SLX4: variants seen among roughly 807,000 people sequenced by gnomAD.
SLX4 encodes the protein structure-specific endonuclease subunit SLX4.
A neutral mutation model predicts 146.2 loss-of-function variants in SLX4; 112 were observed. The ratio of observed to expected loss-of-function variants is 0.77; its 90% CI spans 0.66 to 0.90. The LOEUF (loss-of-function observed/expected upper bound fraction) is 0.90, where lower values mean the gene tolerates loss of function less well. SLX4 is among the 40% of genes least tolerant of loss of function. SLX4 has a pLI of 0.00. For synonymous variants in SLX4, 1,061 were observed against 997.7 expected (o/e 1.06, Z -1.20); for missense variants, 2,563 against 2,392.7 (o/e 1.07, Z -1.49).
At position 3,590,742 on chromosome 16, in the gene SLX4, G is replaced by C. The variant is rs770456496; in HGVS notation, c.2896C>G (p.Gln966Glu). The change falls in exon 12 of 15, where the codon CAG becomes GAG. Residue 966 changes from glutamine (Q) to glutamate (E), a missense_variant. By Grantham distance (29) the Gln-to-Glu change is conservative. Coordinates refer to ENST00000294008, the MANE Select transcript of SLX4 (RefSeq NM_032444.4). This position sits in a 1 kb window ranked among gnomAD's most constrained non-coding sequence, Gnocchi z 4.8. ...SSCSSPSRDC[Q>E]AERKEGSLPH... ...AGAGAGCCTTCTTTTCTCTCTGCCT[G>C]GCAGTCCCTGGAAGGGCTGGAGCAG... 2 of 1,614,100 alleles carry C rather than the reference G, an allele frequency of 1.2e-6. No homozygotes were observed. Among genetic ancestry groups the C allele is most frequent in the East Asian group, 2.2e-5 (1 of 44,880 alleles).
intron 1 of SLX4, among the ~76,000 whole-genome samples, chr16:3,610,611 A>T (rs188816780): frequency 2.6e-5 from 4 of 152,346 alleles, no homozygotes; most frequent in African/African-American, 4.8e-5. Flanking sequence ...TCACAGTGGC[A>T]GGGCTGGGAT....
chr16:3,608,458 C>T lies in SLX4; in HGVS notation c.507G>A (p.Ser169=), dbSNP rs768145927. Residue 169 remains serine (S), a synonymous_variant, in exon 2 of 15, where the codon TCG becomes TCA. Coordinates refer to ENST00000294008, the MANE Select transcript of SLX4 (RefSeq NM_032444.4). ...NTQTGNQQEP[S]PNLSREKTRE... ...TGGTTTTCTCTCTGGAAAGGTTTGG[C>T]GATGGTTCTTGCTGGTTACCCGTCT... The T allele has an allele frequency of 6.2e-6, 10 of 1,614,100 alleles. No homozygotes were observed. Among genetic ancestry groups the T allele is most frequent in the South Asian group, 1.1e-5 (1 of 91,070 alleles).
At chr16:3,583,056 GAT>G in intron 14 of SLX4, 39 bp downstream of exon 14, 1 of 1,612,568 alleles carries the variant, frequency 6.2e-7, no homozygotes, top group Non-Finnish European at 8.5e-7. Flanking sequence ...CGGGCCAGAG[GAT>G]ACATGAGGCC....
At chr16:3,610,540 G>C (rs2040846339) in intron 1 of SLX4, among the ~76,000 whole-genome samples, 1 of 152,092 alleles carries the variant, frequency 6.6e-6, no homozygotes, top group Non-Finnish European at 1.5e-5. Flanking sequence ...CTGTCTTTAC[G>C]GCAAGGAAAC....
intron 12 of SLX4, among the ~76,000 whole-genome samples, chr16:3,588,226 T>A (rs1243230982): frequency 6.6e-6 from 1 of 152,210 alleles, no homozygotes; most frequent in Non-Finnish European, 1.5e-5. Context: ...CCATAAGCAG[T>A]CACTCCCCAT....
rs760497928 is a variant in SLX4, at chr16:3,589,236, G to C, written c.4402C>G (p.Arg1468Gly). The change falls in exon 12 of 15, where the codon CGC becomes GGC. Residue 1468 changes from arginine (R) to glycine (G), a missense_variant. Coordinates refer to ENST00000294008, the MANE Select transcript of SLX4 (RefSeq NM_032444.4). This position sits in a 1 kb window ranked among gnomAD's most constrained non-coding sequence, Gnocchi z 6.2. ...MNEAADSRDC[R>G]SPGLLDTTPI... ...GTGGTGTCCAGGAGTCCCGGGGAGC[G>C]ACAGTCACGGCTGTCGGCGGCCTCG... 4 of 1,609,276 alleles carry C rather than the reference G, an allele frequency of 2.5e-6. No homozygotes were observed. Among genetic ancestry groups the C allele is most frequent in the Middle Eastern group, 1.7e-4 (1 of 6,028 alleles).
In SLX4 at chr16:3,583,470, TC is replaced by T. The variant is rs1303085161; in HGVS notation, c.4779del (p.Lys1594SerfsTer2). On this transcript the variant is annotated frameshift_variant, in exon 14 of 15. Coordinates refer to ENST00000294008, the MANE Select transcript of SLX4 (RefSeq NM_032444.4). LOFTEE classifies it high-confidence loss of function. The part of the protein sequence containing the change: ...VRPLPKRQMV[L>X]KLKEIFQYTH... ...GTGTACTGGAATATCTCCTTCAGCT[TC>T]AGAACCATCTGGCGTTTAGGCAGAG... 1 of 1,614,042 alleles carries T rather than the reference TC, an allele frequency of 6.2e-7. No individual in the cohort carries two copies. The highest frequency in any genetic ancestry group is 8.5e-7 in the Non-Finnish European group (1 of 1,180,056).
In SLX4 at chr16:3,590,771, G is replaced by T; in HGVS notation, c.2867C>A (p.Ser956Tyr). 6.2e-7 allele frequency: 1 copy of T among 1,614,062 alleles called. No homozygotes were observed. Among genetic ancestry groups the T allele is most frequent in the Non-Finnish European group, 8.5e-7 (1 of 1,180,034 alleles). Residue 956 changes from serine (S) to tyrosine (Y), a missense_variant, in exon 12 of 15, where the codon TCC becomes TAC. Ser to Tyr is a moderately radical substitution (Grantham distance 144). Coordinates refer to ENST00000294008, the MANE Select transcript of SLX4 (RefSeq NM_032444.4). This position sits in a 1 kb window ranked among gnomAD's most constrained non-coding sequence, Gnocchi z 4.8. ...QEAPEEALGHSSCSSPSRDCQ... is the reference protein window; with the variant it reads ...QEAPEEALGHYSCSSPSRDCQ... Reference sequence around the variant, plus strand: ...GTCCCTGGAAGGGCTGGAGCAGCTGGAATGGCCAAGCGCCTCCTCTGGCGC... The same window carrying T: ...GTCCCTGGAAGGGCTGGAGCAGCTGTAATGGCCAAGCGCCTCCTCTGGCGC...
Position 3,590,648 on chromosome 16 carries a change from G to A in SLX4, c.2990C>T (p.Pro997Leu), listed in dbSNP as rs774243118. 2.4e-5 allele frequency: 38 copies of A among 1,614,152 alleles called. No homozygotes were observed. The East Asian group carries it at 7.4e-4, about 31-fold the overall frequency. The change falls in exon 12 of 15, where the codon CCG (proline) becomes CTG (leucine). Residue 997 changes from proline to leucine, a missense_variant. Transcript: ENST00000294008. The surrounding 1 kb of genome is among the most constrained non-coding windows in gnomAD (Gnocchi z 4.8). ...FSSTQGEISE[P>L]SQITSEPEEQ... The stretch of plus-strand genomic sequence containing the variant: ...CTCGGGCTCACTTGTTATTTGGGAC[G>A]GCTCTGAGATCTCTCCCTGAGTTGA...
intron 8 of SLX4, 137 bp from the exon 9 acceptor site, chr16:3,595,830 C>T: frequency 1.9e-6 from 2 of 1,029,506 alleles, no homozygotes; most frequent in Non-Finnish European, 2.9e-6. Flanking sequence ...CACCTTCATG[C>T]AAAGCAAACC....
chr16:3,599,125 A>G (rs1260723219), intron 5 of SLX4, among the ~76,000 whole-genome samples: 1 of 152,190 alleles, frequency 6.6e-6, no homozygotes, highest in Non-Finnish European at 1.5e-5. Flanking sequence ...GCCAAGAAAG[A>G]AACAATGGCT....
In SLX4 at chr16:3,594,515, C is replaced by T. The variant is rs1367749586; in HGVS notation, c.2098G>A (p.Gly700Arg). The part of the protein sequence containing the change: ...LSDVQFQTDS[G>R]EVLYAHKFVL... The stretch of plus-strand genomic sequence containing the variant: ...AACTTGTGGGCGTAAAGCACCTCCC[C>T]GCTGTCCGTCTGAAACTGGACATCA... The change falls in exon 10 of 15, where the codon GGG becomes AGG. Residue 700 changes from glycine (G) to arginine (R), a missense_variant. Physicochemically the swap from Gly to Arg is moderately radical, Grantham distance 125. Transcript: ENST00000294008. 7 of 1,614,156 alleles carry T rather than the reference C, an allele frequency of 4.3e-6. No homozygotes were observed. Among genetic ancestry groups the T allele is most frequent in the East Asian group, 2.2e-5 (1 of 44,872 alleles).
In SLX4 at chr16:3,589,792, C is replaced by T. The variant is rs1040333386; in HGVS notation, c.3846G>A (p.Leu1282=). The T allele has an allele frequency of 1.2e-5, 19 of 1,613,454 alleles. No homozygotes were observed. The highest frequency in any genetic ancestry group is 1.7e-4 in the Middle Eastern group (1 of 6,060). The part of the protein sequence containing the change: ...QTQISSLRSG[L]AVQAVTQHTP... Reference sequence around the variant, plus strand: ...TGTGCTGAGTCACCGCCTGCACGGCCAGCCCGCTCCTGAGGCTGCTGATTT... The same window carrying T: ...TGTGCTGAGTCACCGCCTGCACGGCTAGCCCGCTCCTGAGGCTGCTGATTT... The change falls in exon 12 of 15, where the codon CTG becomes CTA. Residue 1282 remains leucine, a synonymous_variant. Transcript: ENST00000294008. The surrounding 1 kb of genome is among the most constrained non-coding windows in gnomAD (Gnocchi z 6.2).
rs953252183 is a variant in SLX4, at chr16:3,596,266, G to A, written c.1811C>T (p.Ala604Val). ...CAGGGCCTGGTGCTCCCTCTGGCTG[G>A]CCGAAGGCGACGGGCCCCTGGAGCC... ...GCGSRGPSPS[A>V]SQREHQALQD... The change falls in exon 8 of 15, where the codon GCC becomes GTC. Residue 604 changes from alanine to valine, a missense_variant. Ala to Val is a moderately conservative substitution (Grantham distance 64, BLOSUM62 0). Transcript: ENST00000294008. 1 of 1,562,630 alleles carries A rather than the reference G, an allele frequency of 6.4e-7. No homozygotes were observed. The highest frequency in any genetic ancestry group is 1.9e-5 in the Admixed American group (1 of 52,896).
chr16:3,601,557 C>G (rs2151134420), intron 4 of SLX4: 1 of 357,786 alleles, frequency 2.8e-6, no homozygotes, highest in Non-Finnish European at 5.3e-6. Flanking sequence ...AAATGTCCGC[C>G]AATGGACGAA....
At chr16:3,594,698 C>T (rs1043068531) in intron 9 of SLX4, 99 bp from the exon 10 acceptor site, 8 of 1,538,384 alleles carry the variant, frequency 5.2e-6, no homozygotes, top group Admixed American at 3.5e-5. Flanking sequence ...TAGGGTGGGC[C>T]GGGAGCCAGG....
At chr16:3,588,979 C>A in intron 12 of SLX4, 23 bp downstream of exon 12, 1 of 1,613,724 alleles carries the variant, frequency 6.2e-7, no homozygotes, top group Non-Finnish European at 8.5e-7. Context: ...CAGTCCCCTT[C>A]CCCAGCTCTC....
chr16:3,584,263 A>C (rs1193192871), intron 13 of SLX4, among the ~76,000 whole-genome samples: 1 of 152,132 alleles, frequency 6.6e-6, no homozygotes, highest in Non-Finnish European at 1.5e-5. Context: ...TCTACTAAAA[A>C]TACAACAATT....
At position 3,590,411 on chromosome 16, in the gene SLX4, G is replaced by T; in HGVS notation, c.3227C>A (p.Pro1076Gln). The T allele has an allele frequency of 6.2e-7, 1 of 1,614,222 alleles. No homozygotes were observed. The highest frequency in any genetic ancestry group is 8.5e-7 in the Non-Finnish European group (1 of 1,180,036). Residue 1076 changes from proline (P) to glutamine (Q), a missense_variant, in exon 12 of 15, where the codon CCA (proline) becomes CAA (glutamine). By Grantham distance (76) the Pro-to-Gln change is moderately conservative (BLOSUM62 -1). Coordinates refer to ENST00000294008, the MANE Select transcript of SLX4 (RefSeq NM_032444.4). This position sits in a 1 kb window ranked among gnomAD's most constrained non-coding sequence, Gnocchi z 4.8. ...SQVGSPTLLS[P>Q]AVPSKQKRDR... ...CCTTTTCTGCTTTGATGGCACAGCT[G>T]GAGACAGCAAGGTTGGGGAGCCCAC...
Sources: gnomAD v4.1 joint callset for allele counts (sites outside exome capture counted in the v4.1 genomes callset) on GRCh38, gnomAD v4.1.1 for gene constraint, Gnocchi (gnomAD v3.1) non-coding constraint, MANE v1.5 for transcripts, NCBI Gene and HGNC (gene_info 2026-07-23, HGNC 2026-07-21) for gene names.